CEP112: variants seen among roughly 807,000 people sequenced by gnomAD.
CEP112 encodes the protein centrosomal protein 112.
Under a neutral mutation model 153.0 loss-of-function variants are expected in CEP112, and 127 were observed. The observed-to-expected ratio is 0.83, with a 90% CI of 0.72 to 0.96. The LOEUF (loss-of-function observed/expected upper bound fraction) is 0.96. CEP112 is among the 40% of genes least tolerant of loss of function. CEP112 has a pLI of 0.00. For missense variants in CEP112, 1,089 were observed against 1,101.2 expected (o/e 0.99, Z 0.16); for synonymous variants, 358 against 374.4 (o/e 0.96, Z 0.51).
At chr17:66,129,436 C>T (rs552668927) in intron 6 of CEP112, among the ~76,000 whole-genome samples, 12 of 152,280 alleles carry the variant, frequency 7.9e-5, no homozygotes, top group South Asian at 2.1e-4. Flanking sequence ...CCACCTCGGG[C>T]GACTCACATA....
At chr17:66,188,012 C>A (rs2073001482) in intron 1 of CEP112, among the ~76,000 whole-genome samples, 1 of 152,078 alleles carries the variant, frequency 6.6e-6, no homozygotes. Context: ...GCCTGCTTCC[C>A]TATTCTCACT....
At chr17:66,162,700 G>T (rs184068528) in intron 4 of CEP112, among the ~76,000 whole-genome samples, 4 of 152,074 alleles carry the variant, frequency 2.6e-5, no homozygotes, top group Non-Finnish European at 4.4e-5. Flanking sequence ...CAATGAAAAC[G>T]AATCTATGGT....
chr17:65,936,951 G>C (rs766016740), intron 18 of CEP112, among the ~76,000 whole-genome samples: 7 of 151,128 alleles, frequency 4.6e-5, no homozygotes, highest in African/African-American at 9.7e-5. Context: ...GAGTGCCTGC[G>C]ATTGCAGGCG....
intron 21 of CEP112, among the ~76,000 whole-genome samples, chr17:65,792,101 A>G (rs2054621945): frequency 6.6e-6 from 1 of 152,184 alleles, no homozygotes. Context: ...TCAGTTTTCT[A>G]CAAGTTAAAC....
intron 17 of CEP112, among the ~76,000 whole-genome samples, chr17:65,967,587 CTT>C (rs776142940): frequency 5.9e-5 from 9 of 152,178 alleles, no homozygotes; most frequent in Non-Finnish European, 1.3e-4. Flanking sequence ...CACATTAAAT[CTT>C]GTGACAAATT....
At position 65,722,784 on chromosome 17, in the gene CEP112, AAAG is replaced by A. The variant is rs1178694523; in HGVS notation, c.2607+20281_2607+20283del. On this transcript the variant is annotated intron_variant, in intron 23 of 26. Coordinates refer to ENST00000535342, the MANE Select transcript of CEP112 (RefSeq NM_001199165.4). ...AAGTGGAAAACTGCCATTTAGAAGA[AAAG>A]AAGATCAGAATAAAAACCTAGCTAG... Among the ~76,000 whole-genome samples, 8 of 152,356 alleles carry A rather than the reference AAAG, an allele frequency of 5.3e-5. No individual in the cohort carries two copies. In the East Asian group the frequency reaches 1.5e-3, roughly 29 times the overall value.
intron 17 of CEP112, among the ~76,000 whole-genome samples, chr17:65,970,578 T>A (rs1419495228): frequency 2.0e-5 from 3 of 152,142 alleles, no homozygotes; most frequent in Non-Finnish European, 4.4e-5. Context: ...ACATGCAAAT[T>A]GCGTGCATTT....
intron 12 of CEP112, among the ~76,000 whole-genome samples, chr17:66,041,210 A>AGAAT (rs2145835645): frequency 6.6e-6 from 1 of 151,936 alleles, no homozygotes; most frequent in South Asian, 2.1e-4. Flanking sequence ...TTATATAATG[A>AGAAT]ATATACATTG....
intron 23 of CEP112, among the ~76,000 whole-genome samples, chr17:65,734,851 C>A (rs889037169): frequency 6.6e-6 from 1 of 152,134 alleles, no homozygotes; most frequent in Non-Finnish European, 1.5e-5. Context: ...AAGTTAGTTA[C>A]AATGTGGAAT....
At chr17:65,936,541 AC>A (rs893236561) in intron 18 of CEP112, among the ~76,000 whole-genome samples, 2 of 152,186 alleles carry the variant, frequency 1.3e-5, no homozygotes, top group Admixed American at 6.5e-5. Flanking sequence ...CAATAAAAAA[AC>A]AAAACCCAGA....
chr17:65,918,675 G>A (rs1033754077), intron 19 of CEP112, among the ~76,000 whole-genome samples: 7 of 152,182 alleles, frequency 4.6e-5, no homozygotes, highest in African/African-American at 1.4e-4. Flanking sequence ...CAACTTGAAT[G>A]AGGTTTGTGA....
At chr17:66,016,184 G>T (rs574466525) in intron 16 of CEP112, among the ~76,000 whole-genome samples, 1 of 151,838 alleles carries the variant, frequency 6.6e-6, no homozygotes, top group Non-Finnish European at 1.5e-5. Context: ...ATTTTCTTCC[G>T]GAGTAACACA....
At chr17:65,941,796 T>C (rs2061513218) in intron 18 of CEP112, among the ~76,000 whole-genome samples, 1 of 151,666 alleles carries the variant, frequency 6.6e-6, no homozygotes, top group Non-Finnish European at 1.5e-5. Context: ...TGTTGTTTTT[T>C]TTTTGGAGAC....
chr17:65,812,298 C>T (rs897671042), intron 21 of CEP112, among the ~76,000 whole-genome samples: 4 of 152,150 alleles, frequency 2.6e-5, no homozygotes, highest in African/African-American at 7.2e-5. Flanking sequence ...CCACCGCACC[C>T]GGCCTAAAGA....
intron 6 of CEP112, among the ~76,000 whole-genome samples, chr17:66,112,008 A>C (rs1226375339): frequency 6.6e-6 from 1 of 152,074 alleles, no homozygotes; most frequent in African/African-American, 2.4e-5. Context: ...ATCAATGAAA[A>C]GGCCGGGTGC....
At chr17:65,812,848 C>G (rs552609076) in intron 21 of CEP112, among the ~76,000 whole-genome samples, 12 of 152,024 alleles carry the variant, frequency 7.9e-5, no homozygotes, top group Non-Finnish European at 1.6e-4. Flanking sequence ...AGAAGTAACA[C>G]GTTTAAAATA....
At chr17:66,061,182 C>T (rs141459413) in intron 11 of CEP112, among the ~76,000 whole-genome samples, 52 of 152,126 alleles carry the variant, frequency 3.4e-4, no homozygotes, top group African/African-American at 1.2e-3. Context: ...ATGAAAAATG[C>T]TAAACCTCAC....
intron 11 of CEP112, among the ~76,000 whole-genome samples, chr17:66,057,088 A>G (rs1170936210): frequency 6.6e-6 from 1 of 152,138 alleles, no homozygotes; most frequent in Non-Finnish European, 1.5e-5. Flanking sequence ...GAAACACTAG[A>G]GTGATTTAAA....
rs557128217 is a variant in CEP112 at position 65,701,091 on chromosome 17, G to A, written c.2608-11873C>T. ...TGTCTCAGGAGTTCACTCTGCCATGGCTGGGAGGCCATTAGGAGGCCATGT... is the reference window on the plus strand; with the variant it reads ...TGTCTCAGGAGTTCACTCTGCCATGACTGGGAGGCCATTAGGAGGCCATGT... On this transcript the variant is annotated intron_variant, in intron 23 of 26. Coordinates refer to ENST00000535342, the MANE Select transcript of CEP112 (RefSeq NM_001199165.4). Among the ~76,000 whole-genome samples the A allele has an allele frequency of 2.0e-5, 3 of 152,288 alleles. No individual in the cohort carries two copies. The East Asian group carries it at 5.8e-4, about 29-fold the overall frequency.
Sources: gnomAD v4.1 joint callset for allele counts (sites outside exome capture counted in the v4.1 genomes callset) on GRCh38, gnomAD v4.1.1 for gene constraint, MANE v1.5 for transcripts, NCBI Gene and HGNC (gene_info 2026-07-23, HGNC 2026-07-21) for gene names.